Variants in SCFD2 observed in about 807,000 individuals in gnomAD.
SCFD2 encodes sec1 family domain containing 2.
A neutral mutation model predicts 58.9 loss-of-function variants in SCFD2; 54 were observed. The observed-to-expected ratio is 0.92, with a 90% CI of 0.74 to 1.15. The LOEUF is 1.15. SCFD2 is among the 50% of genes most tolerant of loss of function. The pLI, the probability that SCFD2 is intolerant of heterozygous loss-of-function variation, is 0.00. For synonymous variants in SCFD2, 321 were observed against 335.9 expected, an observed-to-expected ratio of 0.96 and a Z score of 0.49; for missense variants, 805 against 836.6, an observed-to-expected ratio of 0.96 and a Z score of 0.47.
At chr4:52,910,082 A>T (rs1560478149) in intron 6 of SCFD2, among the ~76,000 whole-genome samples, 1 of 152,214 alleles carries the variant, frequency 6.6e-6, no homozygotes, top group Non-Finnish European at 1.5e-5. Flanking sequence ...TTGGTAATAG[A>T]CTTCAATCTT....
At chr4:53,170,024 G>C (rs1292796841) in intron 4 of SCFD2, among the ~76,000 whole-genome samples, 1 of 152,116 alleles carries the variant, frequency 6.6e-6, no homozygotes, top group Non-Finnish European at 1.5e-5. Context: ...CTATGTAGAA[G>C]CTTTTTTAAT....
chr4:53,303,194 C>T lies in SCFD2; in HGVS notation c.1135+10442G>A, dbSNP rs1233787785. On this transcript the variant is annotated intron_variant, in intron 3 of 8. Coordinates refer to ENST00000401642, the MANE Select transcript of SCFD2 (RefSeq NM_152540.4). ...ACAGAATGGGAGAACATTTTTGCAA[C>T]CTACTCATCTGACAAATGGCTAATA... 9.9e-5 allele frequency among the ~76,000 whole-genome samples: 15 copies of T among 152,200 alleles called. No homozygotes were observed. In the South Asian group the frequency reaches 2.7e-3, roughly 27 times the overall value.
At chr4:52,957,065 G>A (rs532264731) in intron 5 of SCFD2, 1 of 152,358 alleles carries the variant, frequency 6.6e-6, no homozygotes, top group Non-Finnish European at 1.5e-5. Flanking sequence ...AGGAGGGCAA[G>A]GGGATCAGAG....
At position 52,908,436 on chromosome 4, in the gene SCFD2, G is replaced by A. The variant is rs577543912; in HGVS notation, c.1708-845C>T. Among the ~76,000 whole-genome samples the A allele has an allele frequency of 9.2e-5, 14 of 152,300 alleles. No individual in the cohort carries two copies. The South Asian group carries it at 1.2e-3, about 14-fold the overall frequency. On this transcript the variant is annotated intron_variant, in intron 6 of 8. Transcript: ENST00000401642. ...CCAATCCTCCAGTCAGATATGGCAC[G>A]AAGTCTGGGGCATGAAGGGCAAAGG...
intron 5 of SCFD2, among the ~76,000 whole-genome samples, chr4:53,103,695 A>T (rs1156823915): frequency 2.7e-5 from 4 of 148,744 alleles, no homozygotes; most frequent in African/African-American, 9.8e-5. Flanking sequence ...TTCCCTGAAG[A>T]AATAGCTGAT....
intron 5 of SCFD2, among the ~76,000 whole-genome samples, chr4:53,065,963 T>C (rs1188577004): frequency 6.6e-6 from 1 of 152,134 alleles, no homozygotes; most frequent in Non-Finnish European, 1.5e-5. Flanking sequence ...CTGTATTCAC[T>C]GAACAGCTCT....
chr4:53,254,268 GT>G (rs1295934488), intron 4 of SCFD2, among the ~76,000 whole-genome samples: 2 of 152,152 alleles, frequency 1.3e-5, no homozygotes, highest in Non-Finnish European at 2.9e-5. Context: ...CATGGGGGTG[GT>G]TTCCCCCATG....
chr4:53,364,991 T>C (rs1734651240), intron 1 of SCFD2, 113 bp downstream of exon 1: 2 of 1,299,200 alleles, frequency 1.5e-6, no homozygotes, highest in Non-Finnish European at 2.1e-6. Flanking sequence ...CTAGTTCATC[T>C]TTGTATCCTC....
intron 5 of SCFD2, among the ~76,000 whole-genome samples, chr4:53,065,830 T>G (rs565303958): frequency 6.6e-6 from 1 of 152,186 alleles, no homozygotes; most frequent in African/African-American, 2.4e-5. Context: ...TTTTAACACA[T>G]GCACAGTACA....
chr4:53,239,751 C>T (rs547209944), intron 4 of SCFD2, among the ~76,000 whole-genome samples: 2 of 152,290 alleles, frequency 1.3e-5, no homozygotes, highest in South Asian at 2.1e-4. Flanking sequence ...GCTGGGATTA[C>T]AGGCATGAGG....
intron 2 of SCFD2, among the ~76,000 whole-genome samples, chr4:53,331,433 T>C (rs1267724976): frequency 2.6e-5 from 4 of 152,144 alleles, no homozygotes; most frequent in African/African-American, 9.7e-5. Context: ...GAACTCAGGA[T>C]TAAGAATTTC....
intron 5 of SCFD2, among the ~76,000 whole-genome samples, chr4:53,053,401 C>T (rs922317414): frequency 2.6e-5 from 4 of 152,030 alleles, no homozygotes; most frequent in African/African-American, 9.7e-5. Flanking sequence ...ATGTTTTGTC[C>T]ACCTTAGTAG....
intron 4 of SCFD2, among the ~76,000 whole-genome samples, chr4:53,148,831 G>A (rs1026634345): frequency 6.6e-5 from 10 of 152,122 alleles, no homozygotes; most frequent in Non-Finnish European, 1.3e-4. Context: ...GCAACATAGC[G>A]AGACTCCTGT....
intron 5 of SCFD2, among the ~76,000 whole-genome samples, chr4:52,933,615 C>T (rs1180264607): frequency 6.6e-6 from 1 of 152,128 alleles, no homozygotes; most frequent in African/African-American, 2.4e-5. Context: ...AACTGGTGAA[C>T]TACAGCCGGC....
chr4:52,985,658 A>T (rs866711676), intron 5 of SCFD2, among the ~76,000 whole-genome samples: 31 of 151,708 alleles, frequency 2.0e-4, no homozygotes, highest in Middle Eastern at 6.8e-3. Flanking sequence ...CCAGATGCAA[A>T]TTTTTTGCTT....
intron 5 of SCFD2, among the ~76,000 whole-genome samples, chr4:53,011,298 C>T (rs1212807373): frequency 6.6e-6 from 1 of 152,094 alleles, no homozygotes; most frequent in Non-Finnish European, 1.5e-5. Context: ...TTTAATAATA[C>T]CAGTAAATAG....
At chr4:52,874,409 C>T (rs1402280737) in intron 8 of SCFD2, among the ~76,000 whole-genome samples, 1 of 152,204 alleles carries the variant, frequency 6.6e-6, no homozygotes, top group African/African-American at 2.4e-5. Context: ...CATATTCTTG[C>T]TTTGTAATGC....
At chr4:53,248,435 C>T (rs1404059010) in intron 4 of SCFD2, among the ~76,000 whole-genome samples, 1 of 152,214 alleles carries the variant, frequency 6.6e-6, no homozygotes, top group African/African-American at 2.4e-5. Flanking sequence ...CTCAAGGAGG[C>T]CTGCCTGCCT....
chr4:52,927,689 C>T (rs1719895056), intron 5 of SCFD2, among the ~76,000 whole-genome samples: 1 of 152,148 alleles, frequency 6.6e-6, no homozygotes, highest in Admixed American at 6.5e-5. Context: ...TGAGAAGAAA[C>T]ACAGTTGACT....
Sources: allele counts gnomAD v4.1 joint callset (sites outside exome capture counted in the v4.1 genomes callset), GRCh38; gene constraint gnomAD v4.1.1; transcripts MANE v1.5; gene names NCBI Gene and HGNC (gene_info 2026-07-23, HGNC 2026-07-21).